SLC37A1: variants seen among roughly 807,000 people sequenced by gnomAD.
SLC37A1 encodes the protein solute carrier family 37 member 1, also known as glucose-6-phosphate exchanger SLC37A1.
Under a neutral mutation model 75.3 loss-of-function variants are expected in SLC37A1, and 49 were observed. The observed-to-expected ratio is 0.65, with a 90% CI of 0.52 to 0.83. The LOEUF (loss-of-function observed/expected upper bound fraction) is 0.83, where lower values mean the gene tolerates loss of function less well. Among genes scored for constraint, SLC37A1 ranks in the 40% least tolerant of loss-of-function variants. The pLI, the probability that SLC37A1 is intolerant of heterozygous loss-of-function variation, is 0.00. For synonymous variants in SLC37A1, 268 were observed against 292.1 expected (o/e 0.92, Z 0.84); for missense variants, 566 against 695.0 (o/e 0.81, Z 2.09).
intron 9 of SLC37A1, among the ~76,000 whole-genome samples, chr21:42,551,276 C>G (rs1193097979): frequency 6.6e-6 from 1 of 152,178 alleles, no homozygotes; most frequent in Admixed American, 6.5e-5. Context: ...AGTCAACAAT[C>G]CAAAGATGAA....
intron 3 of SLC37A1, among the ~76,000 whole-genome samples, chr21:42,531,879 C>A (rs228047): frequency 2.0e-5 from 3 of 152,114 alleles, no homozygotes; most frequent in African/African-American, 7.2e-5. Context: ...AGCCTTCCAA[C>A]AGGTCTGCGG....
intron 2 of SLC37A1, among the ~76,000 whole-genome samples, chr21:42,521,929 A>G (rs1384279288): frequency 6.6e-6 from 1 of 152,240 alleles, no homozygotes; most frequent in East Asian, 1.9e-4. Flanking sequence ...CCTGGAGGTC[A>G]GAAGTCCAAA....
intron 14 of SLC37A1, 30 bp downstream of exon 14, chr21:42,564,823 A>G: frequency 6.3e-7 from 1 of 1,593,074 alleles, no homozygotes. Flanking sequence ...CTGGGCCCCA[A>G]AGCCTGCAGA....
chr21:42,543,634 C>T (rs1260848620), intron 8 of SLC37A1, 32 bp downstream of exon 8: 2 of 1,553,740 alleles, frequency 1.3e-6, no homozygotes. Flanking sequence ...GACCACCCAC[C>T]AAGGGAGGCC....
chr21:42,551,366 G>A (rs1241860967), intron 9 of SLC37A1, among the ~76,000 whole-genome samples: 4 of 152,228 alleles, frequency 2.6e-5, no homozygotes, highest in South Asian at 4.1e-4. Flanking sequence ...GTCACATATT[G>A]TATGATTTCA....
intron 11 of SLC37A1, chr21:42,561,776 G>A (rs923328049): frequency 6.3e-6 from 2 of 318,328 alleles, no homozygotes; most frequent in Non-Finnish European, 1.2e-5. Flanking sequence ...AGAAAATCTG[G>A]CCACGCTGGG....
At chr21:42,575,387 C>T (rs1290846547) in intron 18 of SLC37A1, 15 of 985,324 alleles carry the variant, frequency 1.5e-5, no homozygotes, top group African/African-American at 5.2e-5. Flanking sequence ...GCGGGAGCGG[C>T]CCCAACTTCT....
chr21:42,573,900 C>G (rs529229050), intron 17 of SLC37A1, among the ~76,000 whole-genome samples: 2 of 152,298 alleles, frequency 1.3e-5, no homozygotes, highest in South Asian at 4.1e-4. Context: ...TAGGGGGATA[C>G]GTTATTTGTT....
chr21:42,580,766 G>T lies in SLC37A1; in HGVS notation c.*406G>T. ...GTGAGCGAGTACTGCGCTGGCTGTGGCTTCAGAGAACCTGTATGTGCCACA... is the reference window on the plus strand; with the variant it reads ...GTGAGCGAGTACTGCGCTGGCTGTGTCTTCAGAGAACCTGTATGTGCCACA... On this transcript the variant is annotated 3_prime_UTR_variant, in exon 20 of 20. Transcript: ENST00000352133. The T allele has an allele frequency of 4.3e-6, 1 of 229,984 alleles. No individual in the cohort carries two copies. The highest frequency in any genetic ancestry group is 8.7e-6 in the Non-Finnish European group (1 of 115,580). The allele number at this position is 229,984 out of a possible 1,614,324, so 14.2% of individuals were successfully genotyped here.
At chr21:42,536,719 C>T (rs2055146300) in intron 5 of SLC37A1, among the ~76,000 whole-genome samples, 1 of 152,222 alleles carries the variant, frequency 6.6e-6, no homozygotes, top group South Asian at 2.1e-4. Context: ...AAAACAGACA[C>T]AGCACAGGGG....
intron 2 of SLC37A1, among the ~76,000 whole-genome samples, chr21:42,506,885 C>A (rs190759568): frequency 6.6e-6 from 1 of 151,328 alleles, no homozygotes; most frequent in African/African-American, 2.4e-5. Context: ...CAATAAGTTG[C>A]TTTTTTTTTC....
chr21:42,539,723 C>T (rs1262330459), intron 6 of SLC37A1, 76 bp downstream of exon 6: 2 of 1,460,248 alleles, frequency 1.4e-6, no homozygotes, highest in African/African-American at 1.4e-5. Flanking sequence ...TGTCACGTCA[C>T]CTCTGTCAAG....
upstream of SLC37A1, among the ~76,000 whole-genome samples, chr21:42,512,299 C>T (rs375888965): frequency 2.0e-4 from 30 of 151,910 alleles, no homozygotes; most frequent in Non-Finnish European, 2.9e-4. Flanking sequence ...CTTGTATTAT[C>T]GCCTTTCAAG....
intron 13 of SLC37A1, 146 bp downstream of exon 13, chr21:42,564,023 T>C (rs2055904886): frequency 4.9e-6 from 4 of 817,382 alleles, no homozygotes; most frequent in Admixed American, 2.3e-5. Context: ...GGCCGTCACC[T>C]GGGGGTGGTT....
chr21:42,562,120 G>A lies in SLC37A1; in HGVS notation c.1024G>A (p.Val342Ile), dbSNP rs1279586531. Reference protein sequence around the residue: ...FSLCLLFAKLVSYTFLFWLPL... With the variant: ...FSLCLLFAKLISYTFLFWLPL... ...ACTGTGTCTGCTGTTTGCCAAGCTG[G>A]TCAGCTATACTTTCCTCTTCTGGCT... The change falls in exon 12 of 20, where the codon GTC (valine) becomes ATC (isoleucine). Residue 342 changes from valine to isoleucine, a missense_variant. By Grantham distance (29) the Val-to-Ile change is conservative. Transcript: ENST00000352133. 1 of 1,614,192 alleles carries A rather than the reference G, an allele frequency of 6.2e-7. No individual in the cohort carries two copies. Among genetic ancestry groups the A allele is most frequent in the Admixed American group, 1.7e-5 (1 of 60,024 alleles).
intron 2 of SLC37A1, among the ~76,000 whole-genome samples, chr21:42,503,642 C>T (rs920616089): frequency 6.6e-6 from 1 of 152,166 alleles, no homozygotes. Context: ...AGTTCCTCAG[C>T]TCTGGGTACT....
chr21:42,561,600 CTT>C (rs2070910924), intron 11 of SLC37A1: 1 of 160,938 alleles, frequency 6.2e-6, no homozygotes, highest in South Asian at 1.9e-4. Flanking sequence ...TACGAGAACT[CTT>C]TTAATAGCTA....
chr21:42,546,912 C>T (rs1005462347), intron 8 of SLC37A1, among the ~76,000 whole-genome samples, 191 bp from the exon 9 acceptor site: 2 of 152,218 alleles, frequency 1.3e-5, no homozygotes, highest in Non-Finnish European at 2.9e-5. Flanking sequence ...ACATAGCCAT[C>T]GCAACTCACA....
intron 17 of SLC37A1, among the ~76,000 whole-genome samples, chr21:42,573,191 T>C (rs1387904951): frequency 6.6e-6 from 1 of 152,192 alleles, no homozygotes; most frequent in Non-Finnish European, 1.5e-5. Flanking sequence ...GAGGAGTCTC[T>C]TTATCAGTGA....
Sources: allele counts gnomAD v4.1 joint callset (sites outside exome capture counted in the v4.1 genomes callset), GRCh38; gene constraint gnomAD v4.1.1; transcripts MANE v1.5; gene names NCBI Gene and HGNC (gene_info 2026-07-23, HGNC 2026-07-21).